GALNT13: variants seen among roughly 807,000 people sequenced by gnomAD.
GALNT13 encodes the protein UDP-GalNAc:polypeptide N-acetylgalactosaminyltransferase 13.
Under a neutral mutation model 64.2 loss-of-function variants are expected in GALNT13, and 28 were observed. That is an observed-to-expected ratio of 0.44 (90% CI 0.32 to 0.60). GALNT13 has a LOEUF of 0.60. GALNT13 is among the 20% of genes least tolerant of loss of function. The probability of loss-of-function intolerance (pLI) is 0.05; values close to 1 mark genes in which losing one functional copy is unlikely to be tolerated. For synonymous variants in GALNT13, 214 were observed against 224.6 expected (o/e 0.95, Z 0.42); for missense variants, 577 against 669.8 (o/e 0.86, Z 1.53).
chr2:153,798,982 C>G, the GALNT13 span, among the ~76,000 whole-genome samples: 1 of 152,074 alleles, frequency 6.6e-6, no homozygotes, highest in South Asian at 2.1e-4. Flanking sequence ...TTCACATCAT[C>G]TAGATATAAA....
the GALNT13 span, among the ~76,000 whole-genome samples, chr2:153,503,751 T>C: frequency 6.6e-6 from 1 of 152,160 alleles, no homozygotes; most frequent in Non-Finnish European, 1.5e-5. Context: ...TATGTGCCTA[T>C]TTTTATACAA....
chr2:153,610,314 G>A, the GALNT13 span, among the ~76,000 whole-genome samples: 1 of 152,010 alleles, frequency 6.6e-6, no homozygotes, highest in Non-Finnish European at 1.5e-5. Flanking sequence ...AAAACAGGAT[G>A]CAAAAAAGGA....
intron 3 of GALNT13, among the ~76,000 whole-genome samples, chr2:154,061,103 A>G (rs1488252669): frequency 6.6e-6 from 1 of 152,140 alleles, no homozygotes; most frequent in Non-Finnish European, 1.5e-5. Context: ...GCCAAATAAG[A>G]ATATTACAAA....
intron 3 of GALNT13, among the ~76,000 whole-genome samples, chr2:154,091,826 G>T (rs1701823898): frequency 6.6e-6 from 1 of 151,736 alleles, no homozygotes; most frequent in African/African-American, 2.4e-5. Context: ...TATTCATTGA[G>T]ATAAGAGATA....
intron 3 of GALNT13, among the ~76,000 whole-genome samples, chr2:153,973,547 C>G (rs1693878839): frequency 6.6e-6 from 1 of 151,902 alleles, no homozygotes. Flanking sequence ...CCATTATAAT[C>G]TTTTTATAAA....
the GALNT13 span, among the ~76,000 whole-genome samples, chr2:153,348,701 T>C: frequency 6.6e-6 from 1 of 152,204 alleles, no homozygotes; most frequent in African/African-American, 2.4e-5. Context: ...TGTTTTGAGA[T>C]TTTTAAAGAA....
intron 11 of GALNT13, among the ~76,000 whole-genome samples, chr2:154,410,137 A>T (rs1450151904): frequency 6.6e-6 from 1 of 151,938 alleles, no homozygotes; most frequent in Non-Finnish European, 1.5e-5. Flanking sequence ...GAGGAAGAGG[A>T]TAGAAACAAC....
At chr2:154,379,419 G>A (rs1203516829) in intron 9 of GALNT13, among the ~76,000 whole-genome samples, 1 of 151,956 alleles carries the variant, frequency 6.6e-6, no homozygotes, top group African/African-American at 2.4e-5. Flanking sequence ...TTATGAAGCT[G>A]TGAATGAAAA....
At chr2:153,864,717 G>T in the GALNT13 span, among the ~76,000 whole-genome samples, 2 of 151,254 alleles carry the variant, frequency 1.3e-5, no homozygotes. Context: ...TCAATATCGT[G>T]AAAATGGCCA....
the GALNT13 span, among the ~76,000 whole-genome samples, chr2:153,483,784 G>A: frequency 6.6e-6 from 1 of 152,094 alleles, no homozygotes; most frequent in African/African-American, 2.4e-5. Flanking sequence ...AATGAAATAA[G>A]CCAGATAAAA....
At chr2:153,253,082 T>C in the GALNT13 span, among the ~76,000 whole-genome samples, 1 of 152,046 alleles carries the variant, frequency 6.6e-6, no homozygotes, top group African/African-American at 2.4e-5. Flanking sequence ...TTTCATGATA[T>C]TGATTCTTCC....
chr2:153,101,669 A>T, the GALNT13 span, among the ~76,000 whole-genome samples: 1 of 152,318 alleles, frequency 6.6e-6, no homozygotes, highest in South Asian at 2.1e-4. Context: ...TTCAAAATTG[A>T]CCTACCTGGC....
chr2:153,765,420 T>A, the GALNT13 span, among the ~76,000 whole-genome samples: 1 of 152,350 alleles, frequency 6.6e-6, no homozygotes, highest in African/African-American at 2.4e-5. Context: ...GTTTTGGACT[T>A]GCATGGGACC....
intron 3 of GALNT13, among the ~76,000 whole-genome samples, chr2:154,073,991 TAATA>T (rs1700867643): frequency 1.3e-5 from 2 of 151,936 alleles, no homozygotes; most frequent in Admixed American, 6.6e-5. Flanking sequence ...GGTTTTTTGA[TAATA>T]AAAGTATTTG....
chr2:153,643,341 G>C, the GALNT13 span, among the ~76,000 whole-genome samples: 2 of 151,352 alleles, frequency 1.3e-5, no homozygotes, highest in Admixed American at 1.3e-4. Context: ...TACAGCAGAA[G>C]ATAAAGGATC....
intron 9 of GALNT13, among the ~76,000 whole-genome samples, chr2:154,343,521 TAA>T (rs996978470): frequency 5.9e-5 from 9 of 152,032 alleles, no homozygotes; most frequent in South Asian, 2.1e-4. Flanking sequence ...TTTTATTTCT[TAA>T]AGAGTATATT....
the GALNT13 span, among the ~76,000 whole-genome samples, chr2:153,521,192 T>C: frequency 6.6e-6 from 1 of 152,168 alleles, no homozygotes; most frequent in South Asian, 2.1e-4. Flanking sequence ...CTCCAAACAT[T>C]CTTTTAACTC....
Position 153,915,863 on chromosome 2 carries a change from A to G in GALNT13, c.-105+14856A>G, listed in dbSNP as rs147016856. ...CCAGGTGATTTACCCCTCATCAAAG[A>G]GATTACCTGGAAACTCTTTCTTATA... On this transcript the variant is annotated intron_variant, in intron 2 of 12. Coordinates refer to ENST00000392825, the MANE Select transcript of GALNT13 (RefSeq NM_052917.4). Among the ~76,000 whole-genome samples, 618 of 152,258 alleles carry G rather than the reference A, an allele frequency of 4.1e-3. 3 individuals carry two copies. Among genetic ancestry groups the G allele is most frequent in the African/African-American group, 0.014 (591 of 41,556 alleles).
In GALNT13 at chr2:153,919,521, G is replaced by C. The variant is rs145923773; in HGVS notation, c.-105+18514G>C. Among the ~76,000 whole-genome samples the C allele has an allele frequency of 4.1e-3, 622 of 151,998 alleles. 3 individuals are homozygous for C. The highest frequency in any genetic ancestry group is 0.014 in the African/African-American group (594 of 41,486). On this transcript the variant is annotated intron_variant, in intron 2 of 12. Coordinates refer to ENST00000392825, the MANE Select transcript of GALNT13 (RefSeq NM_052917.4). ...TGCAGACCCCAGAAACTTTAATCTT[G>C]AGCAGGCCTTTGATTTTATTTAGAA...
Sources: gnomAD v4.1 joint callset for allele counts (sites outside exome capture counted in the v4.1 genomes callset) on GRCh38, gnomAD v4.1.1 for gene constraint, MANE v1.5 for transcripts, NCBI Gene and HGNC (gene_info 2026-07-23, HGNC 2026-07-21) for gene names.